The following TRAK1 variants were observed in gnomAD, a reference collection of about 807,000 sequenced individuals.
The protein encoded by TRAK1 is trafficking kinesin-binding protein 1.
A neutral mutation model predicts 92.1 loss-of-function variants in TRAK1; 33 were observed. The observed-to-expected ratio is 0.36, with a 90% CI of 0.27 to 0.48. TRAK1 has a LOEUF of 0.48. Ranked by LOEUF, TRAK1 falls within the 20% of genes least tolerant of loss-of-function variation. The pLI is 0.99. For missense variants in TRAK1, 1,123 were observed against 1,257.9 expected, an observed-to-expected ratio of 0.89 and a Z score of 1.62; for synonymous variants, 521 against 517.3, an observed-to-expected ratio of 1.01 and a Z score of -0.10.
upstream of TRAK1, among the ~76,000 whole-genome samples, chr3:42,083,949 A>G (rs1330081836): frequency 6.6e-6 from 1 of 152,014 alleles, no homozygotes; most frequent in Non-Finnish European, 1.5e-5. Context: ...GCATGTAGAG[A>G]TGTGGGGATA....
At chr3:42,052,556 T>C (rs1268071520) in intron 1 of TRAK1, among the ~76,000 whole-genome samples, 7 of 152,294 alleles carry the variant, frequency 4.6e-5, no homozygotes, top group Admixed American at 3.9e-4. Context: ...CAGCCTCTGA[T>C]TTAGGAAAGT....
chr3:42,091,889 C>G (rs910172051), intron 1 of TRAK1, among the ~76,000 whole-genome samples: 4 of 152,162 alleles, frequency 2.6e-5, no homozygotes, highest in African/African-American at 9.7e-5. Context: ...CTCCCTTTCC[C>G]TTCACAGTTC....
chr3:42,200,999 G>A lies in TRAK1; in HGVS notation c.1372G>A (p.Val458Ile), dbSNP rs368474947. Residue 458 changes from valine (V) to isoleucine (I), a missense_variant, in exon 12 of 16, where the codon GTC (valine) becomes ATC (isoleucine). This residue lies in a region of TRAK1 where 686 missense variants were observed against 747.6 expected (regional missense o/e 0.92). Coordinates refer to ENST00000327628, the MANE Select transcript of TRAK1 (RefSeq NM_001042646.3). ...SFYGSDIGNV[V>I]LDNKTNSIIL... ...CTACGGCAGCGACATAGGCAACGTC[G>A]TCCTCGACAACAAGACCAACAGCAT... The A allele has an allele frequency of 1.4e-5, 23 of 1,614,070 alleles. No homozygotes were observed. The highest frequency in any genetic ancestry group is 4.0e-5 in the African/African-American group (3 of 74,920).
intron 1 of TRAK1, among the ~76,000 whole-genome samples, chr3:42,094,945 G>T (rs1482550024): frequency 6.6e-6 from 1 of 152,180 alleles, no homozygotes; most frequent in East Asian, 1.9e-4. Flanking sequence ...GGGTGGGTCA[G>T]CCTGTTTGCT....
At chr3:42,027,594 A>G (rs755819469) in intron 1 of TRAK1, among the ~76,000 whole-genome samples, 5 of 152,164 alleles carry the variant, frequency 3.3e-5, no homozygotes, top group Non-Finnish European at 5.9e-5. Flanking sequence ...ATCTATTTTC[A>G]AAAAGTACTT....
Position 42,032,705 on chromosome 3 carries a change from T to A in TRAK1, c.-519+18588T>A, listed in dbSNP as rs916540715. On this transcript the variant is annotated intron_variant, in intron 1 of 16. Transcript: ENST00000487159. The stretch of plus-strand genomic sequence containing the variant: ...TGGCAGCAAACATTTTGTAACCCCA[T>A]AAAACAAGTGTGGTAGGCTGCTTTT... Among the ~76,000 whole-genome samples, 3 of 152,174 alleles carry A rather than the reference T, an allele frequency of 2.0e-5. No individual in the cohort carries two copies. In the East Asian group the frequency reaches 5.8e-4, roughly 29 times the overall value.
intron 2 of TRAK1, chr3:42,160,414 A>T: frequency 6.2e-7 from 1 of 1,614,234 alleles, no homozygotes; most frequent in Non-Finnish European, 8.5e-7. Flanking sequence ...TACGACTGCC[A>T]GGATGAAGAG....
chr3:42,030,853 G>A (rs1702115595), intron 1 of TRAK1, among the ~76,000 whole-genome samples: 1 of 151,268 alleles, frequency 6.6e-6, no homozygotes, highest in African/African-American at 2.4e-5. Context: ...GGATGAAGAA[G>A]GAGAATGTTC....
In TRAK1 at chr3:42,069,074, A is replaced by AT. The variant is rs146074434; in HGVS notation, c.-518-18029dup. 7.1e-3 allele frequency among the ~76,000 whole-genome samples: 1,082 copies of AT among 152,218 alleles called. 51 individuals are homozygous for AT. The East Asian group carries it at 0.13, about 18-fold the overall frequency. On this transcript the variant is annotated intron_variant, in intron 1 of 16. Coordinates refer to the TRAK1 transcript ENST00000487159. Reference sequence around the variant, plus strand: ...TTGTGGAGGCTAGGCATGGTGGCTCATGTCTGTAATCCCAGCACTTTGGAA... The same window carrying AT: ...TTGTGGAGGCTAGGCATGGTGGCTCATTGTCTGTAATCCCAGCACTTTGGAA...
At chr3:42,191,874 G>A (rs1181139904) in intron 7 of TRAK1, among the ~76,000 whole-genome samples, 8 of 138,110 alleles carry the variant, frequency 5.8e-5, no homozygotes, top group African/African-American at 2.2e-4. Context: ...TTTAATTTTG[G>A]CTTTATACTG....
intron 15 of TRAK1, 139 bp from the exon 16 acceptor site, chr3:42,222,803 C>T: frequency 2.4e-6 from 2 of 818,578 alleles, no homozygotes; most frequent in Non-Finnish European, 3.9e-6. Context: ...GTGGACAGAG[C>T]CTTTGGGGGC....
At chr3:42,096,722 G>T (rs1046055873) in intron 1 of TRAK1, among the ~76,000 whole-genome samples, 2 of 152,216 alleles carry the variant, frequency 1.3e-5, no homozygotes, top group African/African-American at 4.8e-5. Context: ...TGCTGTGAAG[G>T]GGGCAGCCAC....
chr3:42,075,764 A>G (rs73062434), intron 1 of TRAK1, among the ~76,000 whole-genome samples: 1 of 151,958 alleles, frequency 6.6e-6, no homozygotes, highest in African/African-American at 2.4e-5. Flanking sequence ...TTTTTTTCAT[A>G]TGCTTTTTGG....
At chr3:42,130,472 A>G (rs907077625) in intron 2 of TRAK1, among the ~76,000 whole-genome samples, 9 of 152,222 alleles carry the variant, frequency 5.9e-5, no homozygotes, top group Non-Finnish European at 1.0e-4. Context: ...GTAAAGTAAT[A>G]TTAAGGAATT....
intron 2 of TRAK1, among the ~76,000 whole-genome samples, chr3:42,155,721 G>A (rs552483150): frequency 1.1e-4 from 17 of 152,304 alleles, no homozygotes; most frequent in African/African-American, 2.9e-4. Flanking sequence ...TGTCAAATAC[G>A]GTAGCCACTG....
chr3:42,040,277 T>G lies in TRAK1; in HGVS notation c.-519+26160T>G, dbSNP rs146246658. Among the ~76,000 whole-genome samples, 361 of 152,250 alleles carry G rather than the reference T, an allele frequency of 2.4e-3. 2 individuals carry two copies. Among genetic ancestry groups the G allele is most frequent in the African/African-American group, 7.9e-3 (329 of 41,540 alleles). ...TTGCCTACCTTAAGGTCACCAAGAG[T>G]TGCTACTATTTATTTATTAATTAAT... On this transcript the variant is annotated intron_variant, in intron 1 of 16. Coordinates refer to the TRAK1 transcript ENST00000487159.
chr3:42,143,573 C>T (rs1253661279), intron 2 of TRAK1, among the ~76,000 whole-genome samples: 1 of 152,182 alleles, frequency 6.6e-6, no homozygotes, highest in Admixed American at 6.5e-5. Context: ...ATACAGTCAG[C>T]ACTTTCTAAA....
Position 42,202,329 on chromosome 3 carries a change from A to G in TRAK1, c.1428-107A>G. ...ACTGCTTGCCTTGGTTCCCATGGAG[A>G]ATCCTGTAGCCCCAGGGAACGTCCA... On this transcript the variant is annotated intron_variant, in intron 12 of 15. Coordinates refer to ENST00000327628, the MANE Select transcript of TRAK1 (RefSeq NM_001042646.3). This position sits in a 1 kb window ranked among gnomAD's most constrained non-coding sequence, Gnocchi z 6.1. 2 of 1,204,402 alleles carry G rather than the reference A, an allele frequency of 1.7e-6. No individual in the cohort carries two copies. The highest frequency in any genetic ancestry group is 3.2e-4 in the Middle Eastern group (1 of 3,110). 74.6% of individuals were successfully genotyped at this position (1,204,402 alleles called of 1,614,324 possible). A position where few individuals can be genotyped will look rare whatever the true frequency, so the allele number is the denominator to read the frequency against.
In TRAK1 at chr3:42,137,458, A is replaced by T. The variant is rs571096989; in HGVS notation, c.286+11844A>T. ...TCTTTCTTAGTTTGTGCAGGTTGTT[A>T]TTCATTAGTGAATGTTTGGAAAATA... is the stretch of plus-strand genomic sequence containing the variant. On this transcript the variant is annotated intron_variant, in intron 2 of 15. Coordinates refer to ENST00000327628, the MANE Select transcript of TRAK1 (RefSeq NM_001042646.3). Among the ~76,000 whole-genome samples the T allele has an allele frequency of 1.3e-4, 20 of 152,352 alleles. No homozygotes were observed. The South Asian group carries it at 3.5e-3, about 27-fold the overall frequency.
Sources: allele counts gnomAD v4.1 joint callset (sites outside exome capture counted in the v4.1 genomes callset), GRCh38; gene constraint gnomAD v4.1.1; regional missense constraint gnomAD v4.1.1; non-coding constraint Gnocchi (gnomAD v3.1); transcripts MANE v1.5; gene names NCBI Gene and HGNC (gene_info 2026-07-23, HGNC 2026-07-21).